DAGLA: variants seen among roughly 807,000 people sequenced by gnomAD.
DAGLA encodes the protein diacylglycerol lipase alpha.
In DAGLA, 22 loss-of-function variants were observed where a neutral mutation model predicts 102.6. That is an observed-to-expected ratio of 0.21 (90% CI 0.15 to 0.31). The LOEUF (loss-of-function observed/expected upper bound fraction) is 0.31. Among genes scored for constraint, DAGLA ranks in the 10% least tolerant of loss-of-function variants. DAGLA has a pLI of 1.00. For missense variants in DAGLA, 927 were observed against 1,446.6 expected (o/e 0.64, Z 5.83); for synonymous variants, 578 against 628.9 (o/e 0.92, Z 1.21).
chr11:61,734,987 C>G lies in DAGLA; in HGVS notation c.1113C>G (p.Thr371=). 1 of 1,613,628 alleles carries G rather than the reference C, an allele frequency of 6.2e-7. No homozygotes were observed. Among genetic ancestry groups the G allele is most frequent in the Non-Finnish European group, 8.5e-7 (1 of 1,179,728 alleles). ...ENMTAVDIVY[T]SCHDAVYETP... ...TGACTGCGGTGGACATCGTCTATAC[C>G]TCCTGCCATGATGCGGTGAGGCCGG... Residue 371 remains threonine, a synonymous_variant, in exon 10 of 20, where the codon ACC becomes ACG. Transcript: ENST00000257215. This position sits in a 1 kb window ranked among gnomAD's most constrained non-coding sequence, Gnocchi z 4.2.
rs1199560768 is a variant in DAGLA, at chr11:61,702,088, A to AT, written c.-44-18016dup. Among the ~76,000 whole-genome samples, 169 of 152,054 alleles carry AT rather than the reference A, an allele frequency of 1.1e-3. 1 individual carries two copies. Among genetic ancestry groups the AT allele is most frequent in the African/African-American group, 3.7e-3 (152 of 41,474 alleles). On this transcript the variant is annotated intron_variant, in intron 1 of 19. Transcript: ENST00000257215. ...ACCACATCTGGCTAAATTAAAAAAA[A>AT]TTTTTTTTGTAAAAATGGGTTCTTA...
At chr11:61,743,099 T>A (rs1046781962) in intron 19 of DAGLA, among the ~76,000 whole-genome samples, 3 of 152,076 alleles carry the variant, frequency 2.0e-5, no homozygotes, top group Non-Finnish European at 4.4e-5. Flanking sequence ...GCGCGGTGGC[T>A]CACGCCTGTA....
At chr11:61,713,216 C>G (rs1437961181) in intron 1 of DAGLA, among the ~76,000 whole-genome samples, 1 of 152,144 alleles carries the variant, frequency 6.6e-6, no homozygotes, top group Non-Finnish European at 1.5e-5. Context: ...GGCTTAGAGC[C>G]AGCTTTTGAG....
intron 1 of DAGLA, among the ~76,000 whole-genome samples, chr11:61,719,485 A>G (rs1433831819): frequency 6.6e-6 from 1 of 152,240 alleles, no homozygotes; most frequent in Non-Finnish European, 1.5e-5. Flanking sequence ...GTCATAGAGC[A>G]CGCTCTTGGC....
intron 15 of DAGLA, 40 bp downstream of exon 15, chr11:61,737,795 G>A (rs2065437530): frequency 6.4e-7 from 1 of 1,571,600 alleles, no homozygotes; most frequent in Non-Finnish European, 8.8e-7. Flanking sequence ...TTGCCAGGCT[G>A]TTCCTCCCTC....
At chr11:61,698,179 T>C (rs2135557632) in intron 1 of DAGLA, among the ~76,000 whole-genome samples, 1 of 152,312 alleles carries the variant, frequency 6.6e-6, no homozygotes, top group African/African-American at 2.4e-5. Context: ...CCCAGTCTGC[T>C]CAAGAATCAG....
At chr11:61,683,428 C>T (rs1051977671) in intron 1 of DAGLA, among the ~76,000 whole-genome samples, 3 of 152,210 alleles carry the variant, frequency 2.0e-5, no homozygotes, top group African/African-American at 7.2e-5. Flanking sequence ...ATACCTCCCC[C>T]GAGGAGTTGC....
At chr11:61,711,668 T>TCAGTAGCAGGGCTGGTGG (rs1470112869) in intron 1 of DAGLA, among the ~76,000 whole-genome samples, 1 of 152,210 alleles carries the variant, frequency 6.6e-6, no homozygotes. Flanking sequence ...TTGGCTGGTG[T>TCAGTAGCAGGGCTGGTGG]CAGTAGCAGG....
chr11:61,736,029 A>G (rs1331125341), intron 12 of DAGLA, among the ~76,000 whole-genome samples: 5 of 152,168 alleles, frequency 3.3e-5, no homozygotes, highest in Non-Finnish European at 7.4e-5. Flanking sequence ...GAAGAACCTG[A>G]GAGGCAGCTG....
At chr11:61,687,672 G>C (rs866742827) in intron 1 of DAGLA, among the ~76,000 whole-genome samples, 8 of 152,174 alleles carry the variant, frequency 5.3e-5, no homozygotes, top group African/African-American at 1.9e-4. Flanking sequence ...TCTGAATAGC[G>C]CTGGCGCCCC....
intron 3 of DAGLA, 72 bp from the exon 4 acceptor site, chr11:61,722,787 G>C (rs988881734): frequency 1.5e-5 from 20 of 1,336,848 alleles, no homozygotes; most frequent in Non-Finnish European, 2.0e-5. Flanking sequence ...GGAAAGGCCA[G>C]GCCGGGGTTC....
chr11:61,685,374 A>G (rs1403149230), intron 1 of DAGLA, among the ~76,000 whole-genome samples: 1 of 152,214 alleles, frequency 6.6e-6, no homozygotes, highest in Non-Finnish European at 1.5e-5. Context: ...ATATATTAGC[A>G]GTAGGGAAGA....
Position 61,739,688 on chromosome 11 carries a change from C to A in DAGLA, c.1853+27C>A. The A allele has an allele frequency of 3.1e-6, 5 of 1,607,572 alleles. No homozygotes were observed. The South Asian group carries it at 5.5e-5, about 18-fold the overall frequency. On this transcript the variant is annotated intron_variant, in intron 17 of 19. Coordinates refer to ENST00000257215, the MANE Select transcript of DAGLA (RefSeq NM_006133.3). ...TAGGTTCTGCCAGGGTCTGCTGCTG[C>A]AGGGGGTAGTGGCCAGGGCAGGGGC...
intron 1 of DAGLA, among the ~76,000 whole-genome samples, chr11:61,703,714 G>GATGA (rs1231092750): frequency 6.7e-6 from 1 of 148,856 alleles, no homozygotes; most frequent in Non-Finnish European, 1.5e-5. Flanking sequence ...TGGATGGATG[G>GATGA]ATGAATGGAT....
intron 17 of DAGLA, 151 bp from the exon 18 acceptor site, chr11:61,740,312 A>T: frequency 9.9e-7 from 1 of 1,010,396 alleles, no homozygotes; most frequent in Middle Eastern, 3.4e-4. Flanking sequence ...GAGCCAGGCC[A>T]GGGAACAGAG....
chr11:61,684,053 A>T lies in DAGLA; in HGVS notation c.-45+3549A>T, dbSNP rs368887086. Among the ~76,000 whole-genome samples, 15 of 152,332 alleles carry T rather than the reference A, an allele frequency of 9.8e-5. No homozygotes were observed. In the East Asian group the frequency reaches 2.3e-3, roughly 24 times the overall value. ...CTTTAGGGGTGCCGGGGAGCCAGGC[A>T]TCTGTGGCCAGAGGATGCTGGACCA... is the stretch of plus-strand genomic sequence containing the variant. On this transcript the variant is annotated intron_variant, in intron 1 of 19. Transcript: ENST00000257215. This position sits in a 1 kb window ranked among gnomAD's most constrained non-coding sequence, Gnocchi z 4.5.
chr11:61,709,943 C>G (rs2065180158), intron 1 of DAGLA, among the ~76,000 whole-genome samples: 1 of 152,134 alleles, frequency 6.6e-6, no homozygotes. Context: ...AGCAGGCACC[C>G]ACACCAGCCA....
chr11:61,713,974 A>G (rs181223763), intron 1 of DAGLA, among the ~76,000 whole-genome samples: 1 of 152,360 alleles, frequency 6.6e-6, no homozygotes, highest in Admixed American at 6.5e-5. Flanking sequence ...CGTCATGGAA[A>G]TGGGAGTCCT....
At chr11:61,680,704 G>T (rs986117225) in intron 1 of DAGLA, among the ~76,000 whole-genome samples, 200 bp downstream of exon 1, 2 of 151,936 alleles carry the variant, frequency 1.3e-5, no homozygotes, top group Non-Finnish European at 2.9e-5. Context: ...GACACGCGTG[G>T]CACGGGCGTG....
Sources: allele counts gnomAD v4.1 joint callset (sites outside exome capture counted in the v4.1 genomes callset), GRCh38; gene constraint gnomAD v4.1.1; non-coding constraint Gnocchi (gnomAD v3.1); transcripts MANE v1.5; gene names NCBI Gene and HGNC (gene_info 2026-07-23, HGNC 2026-07-21).